The following ERC1 variants were observed in gnomAD, a reference collection of about 807,000 sequenced individuals.
ERC1 encodes the protein RAB6 interacting protein 2.
ERC1 carries 56 observed loss-of-function variants against 132.0 expected under a neutral mutation model. The ratio of observed to expected loss-of-function variants is 0.42; its 90% CI spans 0.34 to 0.53. The LOEUF is 0.53. Ranked by LOEUF, ERC1 falls within the 20% of genes least tolerant of loss-of-function variation. The pLI is 0.03. For missense variants in ERC1, 1,202 were observed against 1,349.9 expected (o/e 0.89, Z 1.72); for synonymous variants, 478 against 476.1 (o/e 1.00, Z -0.05).
intron 16 of ERC1, among the ~76,000 whole-genome samples, chr12:1,382,966 C>T (rs2088865216): frequency 6.6e-6 from 1 of 152,090 alleles, no homozygotes; most frequent in Non-Finnish European, 1.5e-5. Context: ...GTGGGGAAAC[C>T]TGGACTCATC....
chr12:1,380,310 G>C (rs1270282977), intron 16 of ERC1: 2 of 152,170 alleles, frequency 1.3e-5, no homozygotes, highest in African/African-American at 2.4e-5. Context: ...AAACCTGACA[G>C]CTTTCTGTAA....
At chr12:1,270,130 A>G (rs1480358848) in intron 14 of ERC1, among the ~76,000 whole-genome samples, 2 of 152,212 alleles carry the variant, frequency 1.3e-5, no homozygotes, top group African/African-American at 4.8e-5. Context: ...TTCCATTCCT[A>G]TCCATTTATA....
At chr12:1,346,027 CCT>C (rs1566642513) in intron 15 of ERC1, among the ~76,000 whole-genome samples, 1 of 152,092 alleles carries the variant, frequency 6.6e-6, no homozygotes, top group Non-Finnish European at 1.5e-5. Context: ...TGATGTTGCC[CCT>C]CTGAGTTAGA....
chr12:1,018,534 A>G (rs939019082), intron 1 of ERC1, among the ~76,000 whole-genome samples: 7 of 152,236 alleles, frequency 4.6e-5, no homozygotes, highest in Admixed American at 2.0e-4. Flanking sequence ...AAATTTGGAT[A>G]CTGTTTAAAG....
At chr12:1,032,997 G>A (rs1306911078) in intron 2 of ERC1, among the ~76,000 whole-genome samples, 1 of 151,340 alleles carries the variant, frequency 6.6e-6, no homozygotes, top group African/African-American at 2.4e-5. Flanking sequence ...CTCAGCCTCT[G>A]GAGTAGCTGG....
At chr12:1,056,748 G>A (rs889881413) in intron 2 of ERC1, among the ~76,000 whole-genome samples, 1 of 152,282 alleles carries the variant, frequency 6.6e-6, no homozygotes, top group Non-Finnish European at 1.5e-5. Flanking sequence ...TGGCCCCCAG[G>A]TAGCCGTTTT....
chr12:1,256,735 G>A (rs910160690), intron 13 of ERC1, among the ~76,000 whole-genome samples: 3 of 150,778 alleles, frequency 2.0e-5, no homozygotes, highest in Admixed American at 2.0e-4. Context: ...TCAGTGAAAT[G>A]CTGAGCCATA....
intron 7 of ERC1, among the ~76,000 whole-genome samples, chr12:1,128,301 T>A (rs1029232379): frequency 5.9e-5 from 9 of 152,190 alleles, no homozygotes; most frequent in African/African-American, 2.2e-4. Flanking sequence ...ATGGGCACAC[T>A]CTCCAGAATG....
intron 15 of ERC1, among the ~76,000 whole-genome samples, chr12:1,366,937 G>T (rs1336946788): frequency 6.6e-6 from 1 of 152,166 alleles, no homozygotes; most frequent in Non-Finnish European, 1.5e-5. Flanking sequence ...GATATACAGG[G>T]ACCAAAGTTT....
At chr12:1,041,209 C>CTT (rs35597759) in intron 2 of ERC1, among the ~76,000 whole-genome samples, 3 of 142,284 alleles carry the variant, frequency 2.1e-5, no homozygotes, top group African/African-American at 7.7e-5. Flanking sequence ...GTCTCTCTTT[C>CTT]TTTTTTTTTT....
intron 12 of ERC1, among the ~76,000 whole-genome samples, chr12:1,219,474 G>A (rs983325009): frequency 3.3e-5 from 5 of 151,944 alleles, no homozygotes; most frequent in South Asian, 2.1e-4. Flanking sequence ...TAGTAAGCCC[G>A]ATCACACCTC....
chr12:1,226,491 A>G (rs1490740842), intron 12 of ERC1, among the ~76,000 whole-genome samples: 1 of 152,186 alleles, frequency 6.6e-6, no homozygotes, highest in Non-Finnish European at 1.5e-5. Context: ...TATTAATTAT[A>G]GTCTACCATG....
intron 11 of ERC1, among the ~76,000 whole-genome samples, chr12:1,183,814 A>G (rs1161292492): frequency 6.6e-6 from 1 of 152,068 alleles, no homozygotes; most frequent in Non-Finnish European, 1.5e-5. Flanking sequence ...GGAGTTGGAC[A>G]CCAGCCTGTG....
intron 1 of ERC1, among the ~76,000 whole-genome samples, chr12:994,581 A>G (rs549796904): frequency 7.9e-5 from 12 of 152,268 alleles, no homozygotes; most frequent in Non-Finnish European, 1.5e-4. Context: ...GAATTAATTC[A>G]TGTATTTAGA....
intron 8 of ERC1, among the ~76,000 whole-genome samples, chr12:1,158,875 T>C (rs1006271488): frequency 1.3e-5 from 2 of 152,182 alleles, no homozygotes; most frequent in Non-Finnish European, 2.9e-5. Context: ...GTTATCTTTT[T>C]ATATTTTAAA....
chr12:1,118,746 C>A (rs1407666974), intron 7 of ERC1, among the ~76,000 whole-genome samples: 2 of 152,172 alleles, frequency 1.3e-5, no homozygotes, highest in Non-Finnish European at 2.9e-5. Context: ...TGAAAGTTTT[C>A]ATGTGTTTCT....
chr12:1,078,959 CAA>C (rs1463207764), intron 2 of ERC1, among the ~76,000 whole-genome samples: 1 of 146,328 alleles, frequency 6.8e-6, no homozygotes, highest in Non-Finnish European at 1.5e-5. Context: ...TGTAATATGA[CAA>C]AAGTCAATAT....
intron 8 of ERC1, chr12:1,152,646 G>A (rs891222126): frequency 4.6e-5 from 7 of 152,718 alleles, no homozygotes; most frequent in Admixed American, 4.6e-4. Context: ...AATTTGAGAT[G>A]GCCCATTTAC....
intron 15 of ERC1, among the ~76,000 whole-genome samples, chr12:1,329,304 A>G (rs1004109488): frequency 4.8e-5 from 7 of 146,802 alleles, no homozygotes; most frequent in East Asian, 2.1e-4. Context: ...AAAAAAAAAA[A>G]AAAGAAAGAA....
Sources: gnomAD v4.1 joint callset for allele counts (sites outside exome capture counted in the v4.1 genomes callset) on GRCh38, gnomAD v4.1.1 for gene constraint, MANE v1.5 for transcripts, NCBI Gene and HGNC (gene_info 2026-07-23, HGNC 2026-07-21) for gene names.